The following GLI2 variants were observed in gnomAD, a reference collection of about 807,000 sequenced individuals.
GLI2 encodes the protein transcription activator GLI2.
GLI2 carries 22 observed loss-of-function variants against 78.9 expected under a neutral mutation model. The observed-to-expected ratio is 0.28, with a 90% CI of 0.20 to 0.40. GLI2 has a LOEUF of 0.40. Ranked by LOEUF, GLI2 falls within the 10% of genes least tolerant of loss-of-function variation. GLI2 has a pLI of 1.00. For synonymous variants in GLI2, 974 were observed against 963.7 expected (o/e 1.01, Z -0.20); for missense variants, 2,097 against 2,213.2 (o/e 0.95, Z 1.05).
intron 1 of GLI2, among the ~76,000 whole-genome samples, chr2:120,785,121 G>A (rs1336409517): frequency 6.6e-6 from 1 of 152,174 alleles, no homozygotes; most frequent in African/African-American, 2.4e-5. Context: ...TATTGGATCC[G>A]GGTCCCAGAC....
intron 1 of GLI2, among the ~76,000 whole-genome samples, chr2:120,739,245 C>A (rs912756808): frequency 3.9e-5 from 6 of 152,126 alleles, no homozygotes; most frequent in Non-Finnish European, 5.9e-5. Flanking sequence ...TGGATATTTG[C>A]CTAATAAACA....
At chr2:120,918,486 G>C (rs894742276) in intron 2 of GLI2, among the ~76,000 whole-genome samples, 2 of 149,540 alleles carry the variant, frequency 1.3e-5, no homozygotes, top group African/African-American at 5.0e-5. Context: ...TGTCTCCCAG[G>C]CTGGAGTGCA....
rs186952062 is a variant in GLI2 at position 120,875,316 on chromosome 2, A to G, written c.149-52045A>G. 1.5e-3 allele frequency among the ~76,000 whole-genome samples: 226 copies of G among 152,342 alleles called. 2 individuals carry two copies. Among genetic ancestry groups the G allele is most frequent in the African/African-American group, 5.1e-3 (212 of 41,576 alleles). ...GAGCCTGGAAAAGTGGACCACATCT[A>G]GAGGGAAGGCCCATAAAGTGACTTT... On this transcript the variant is annotated intron_variant, in intron 2 of 13. Coordinates refer to ENST00000361492, the MANE Select transcript of GLI2 (RefSeq NM_001374353.1).
rs373843376 is a variant in GLI2 at position 120,929,313 on chromosome 2, G to A, written c.254+1847G>A. Among the ~76,000 whole-genome samples the A allele has an allele frequency of 2.0e-5, 3 of 152,300 alleles. No homozygotes were observed. In the East Asian group the frequency reaches 5.8e-4, roughly 29 times the overall value. ...TCTCCGCTTTAAAGTTGTCCCGTTC[G>A]TAATTAATAAGTATTTTGTGGGGTA... On this transcript the variant is annotated intron_variant, in intron 3 of 13. Coordinates refer to ENST00000361492, the MANE Select transcript of GLI2 (RefSeq NM_001374353.1).
At chr2:120,812,038 A>G (rs145148875) in intron 2 of GLI2, among the ~76,000 whole-genome samples, 2,685 of 152,312 alleles carry the variant, frequency 0.018, 47 homozygotes, top group Middle Eastern at 0.034. Context: ...ACAGGATGTA[A>G]GATGGGTATT....
chr2:120,790,225 C>T (rs1433978436), intron 1 of GLI2, among the ~76,000 whole-genome samples: 4 of 152,314 alleles, frequency 2.6e-5, no homozygotes, highest in Non-Finnish European at 4.4e-5. Context: ...CATAGAGAAA[C>T]AGGGGGGTCT....
chr2:120,912,344 A>G (rs1678866263), intron 2 of GLI2, among the ~76,000 whole-genome samples: 1 of 134,824 alleles, frequency 7.4e-6, no homozygotes. Flanking sequence ...CTACAGTCTT[A>G]TTCTAGGAAA....
intron 2 of GLI2, among the ~76,000 whole-genome samples, chr2:120,802,178 A>C (rs566374499): frequency 1.3e-5 from 2 of 152,320 alleles, no homozygotes; most frequent in East Asian, 3.9e-4. Flanking sequence ...CTAGGAGTCC[A>C]TGAGGTCGGA....
In GLI2 at chr2:120,884,929, C is replaced by T. The variant is rs114489787; in HGVS notation, c.149-42432C>T. Among the ~76,000 whole-genome samples, 440 of 152,230 alleles carry T rather than the reference C, an allele frequency of 2.9e-3. 1 individual carries two copies. Among genetic ancestry groups the T allele is most frequent in the Admixed American group, 8.8e-3 (135 of 15,298 alleles). The stretch of plus-strand genomic sequence containing the variant: ...CCACCTCCTACCATTGCTGCCATGG[C>T]GGGAGCATCATCAGCCGGCCTCACT... On this transcript the variant is annotated intron_variant, in intron 2 of 13. Coordinates refer to ENST00000361492, the MANE Select transcript of GLI2 (RefSeq NM_001374353.1).
At chr2:120,811,001 AT>A (rs1309046768) in intron 2 of GLI2, among the ~76,000 whole-genome samples, 1 of 152,114 alleles carries the variant, frequency 6.6e-6, no homozygotes, top group African/African-American at 2.4e-5. Flanking sequence ...GGGGCAACTT[AT>A]TGGCTAGGCC....
chr2:120,786,380 T>A (rs992852999), intron 1 of GLI2, among the ~76,000 whole-genome samples: 8 of 152,078 alleles, frequency 5.3e-5, no homozygotes, highest in Non-Finnish European at 1.5e-5. Context: ...ACCGCCATCA[T>A]CCCTGCTGTT....
chr2:120,896,669 A>C (rs865972947), intron 2 of GLI2, among the ~76,000 whole-genome samples: 119 of 141,726 alleles, frequency 8.4e-4, no homozygotes, highest in Admixed American at 1.5e-3. Flanking sequence ...ACATACACCC[A>C]CCCCCCCACA....
rs115820741 is a variant in GLI2, at chr2:120,957,105, G to A, written c.643+1675G>A. Reference sequence around the variant, plus strand: ...ATCTTGAACATCTCCTGCTTCCCAGGAAAAGTTTTGCTGAGAAGAGGGCGG... The same window carrying A: ...ATCTTGAACATCTCCTGCTTCCCAGAAAAAGTTTTGCTGAGAAGAGGGCGG... On this transcript the variant is annotated intron_variant, in intron 5 of 13. Coordinates refer to ENST00000361492, the MANE Select transcript of GLI2 (RefSeq NM_001374353.1). Among the ~76,000 whole-genome samples the A allele has an allele frequency of 8.5e-3, 1,297 of 152,286 alleles. 17 individuals carry two copies. Among genetic ancestry groups the A allele is most frequent in the African/African-American group, 0.028 (1,157 of 41,568 alleles).
chr2:120,763,572 C>T (rs1196553503), intron 1 of GLI2, among the ~76,000 whole-genome samples: 2 of 152,204 alleles, frequency 1.3e-5, no homozygotes, highest in South Asian at 4.1e-4. Flanking sequence ...GCTGTCTGGC[C>T]CTTGGGGAAT....
intron 7 of GLI2, among the ~76,000 whole-genome samples, chr2:120,971,306 C>A (rs1203009774): frequency 2.0e-5 from 3 of 152,242 alleles, no homozygotes; most frequent in African/African-American, 7.2e-5. Context: ...CTGACAACGA[C>A]AATGCCAGAG....
chr2:120,915,384 T>C (rs1407829541), intron 2 of GLI2, among the ~76,000 whole-genome samples: 2 of 152,116 alleles, frequency 1.3e-5, no homozygotes, highest in Admixed American at 1.3e-4. Flanking sequence ...CCCACGTTTT[T>C]CCCCCAAGTG....
At chr2:120,978,245 G>A (rs529072757) in intron 9 of GLI2, among the ~76,000 whole-genome samples, 189 bp from the exon 10 acceptor site, 2 of 149,574 alleles carry the variant, frequency 1.3e-5, no homozygotes, top group Non-Finnish European at 3.0e-5. Flanking sequence ...AGTGGTCTGC[G>A]TATAGTAGGT....
intron 3 of GLI2, among the ~76,000 whole-genome samples, chr2:120,935,907 A>T (rs1435373275): frequency 6.6e-6 from 1 of 152,138 alleles, no homozygotes; most frequent in Non-Finnish European, 1.5e-5. Context: ...GCACAAGAGG[A>T]GCTGCTGGCT....
chr2:120,985,742 T>G (rs528845260), intron 12 of GLI2, among the ~76,000 whole-genome samples: 1 of 152,308 alleles, frequency 6.6e-6, no homozygotes, highest in South Asian at 2.1e-4. Flanking sequence ...ACATGTGCCA[T>G]GAGCTCCCTG....
Sources: gnomAD v4.1 joint callset for allele counts (sites outside exome capture counted in the v4.1 genomes callset) on GRCh38, gnomAD v4.1.1 for gene constraint, MANE v1.5 for transcripts, NCBI Gene and HGNC (gene_info 2026-07-23, HGNC 2026-07-21) for gene names.